The following CCDC159 variants were observed in gnomAD, a reference collection of about 807,000 sequenced individuals.
CCDC159 encodes coiled-coil domain containing 159.
CCDC159 carries 40 observed loss-of-function variants against 50.9 expected under a neutral mutation model. That is an observed-to-expected ratio of 0.79 (90% CI 0.61 to 1.02). The LOEUF (loss-of-function observed/expected upper bound fraction) is 1.02. Among genes scored for constraint, CCDC159 ranks in the 50% least tolerant of loss-of-function variants. The probability of loss-of-function intolerance (pLI) is 0.00; values close to 1 mark genes in which losing one functional copy is unlikely to be tolerated. For synonymous variants in CCDC159, 146 were observed against 138.9 expected (o/e 1.05, Z -0.36); for missense variants, 356 against 371.5 (o/e 0.96, Z 0.34).
At chr19:11,350,680 C>A (rs1158343319) in intron 4 of CCDC159, 128 bp from the exon 5 acceptor site, 20 of 874,568 alleles carry the variant, frequency 2.3e-5, no homozygotes, top group Non-Finnish European at 3.3e-5. Flanking sequence ...GGAAGCTGGT[C>A]CTGTTGGGAT....
intron 9 of CCDC159, 25 bp downstream of exon 9, chr19:11,353,899 G>C (rs1967731573): frequency 3.3e-6 from 5 of 1,530,182 alleles, no homozygotes; most frequent in Non-Finnish European, 4.4e-6. Context: ...GAATTGCTCA[G>C]GGGTGGGAGG....
intron 3 of CCDC159, 33 bp from the exon 4 acceptor site, chr19:11,350,085 C>G: frequency 1.2e-6 from 2 of 1,612,270 alleles, no homozygotes; most frequent in Non-Finnish European, 1.7e-6. Context: ...TCCCCTCCTT[C>G]CTCCCACCCC....
chr19:11,351,063 G>A (rs1967546161), intron 5 of CCDC159, 60 bp downstream of exon 5: 1 of 1,439,176 alleles, frequency 6.9e-7, no homozygotes, highest in Admixed American at 2.5e-5. Context: ...CCCAGAACTG[G>A]GGAATGGAGG....
In CCDC159 at chr19:11,350,216, G is replaced by A. The variant is rs114981996; in HGVS notation, c.226+17G>A. 920 of 1,603,302 alleles carry A rather than the reference G, an allele frequency of 5.7e-4. 7 individuals carry two copies. The African/African-American group carries it at 0.011, about 20-fold the overall frequency. On this transcript the variant is annotated intron_variant, in intron 4 of 10. Coordinates refer to ENST00000458408, the MANE Select transcript of CCDC159 (RefSeq NM_001080503.3). ...AGCTTGAAGGTGAGGACTGACCAGA[G>A]ATCAAGGTCAGGCTAGGCCAGGCGT... is the stretch of plus-strand genomic sequence containing the variant.
intron 1 of CCDC159, among the ~76,000 whole-genome samples, chr19:11,346,912 A>G (rs923077624): frequency 4.6e-5 from 7 of 152,126 alleles, no homozygotes; most frequent in Admixed American, 2.0e-4. Flanking sequence ...ATTACTCTAT[A>G]CCAGGCACTG....
intron 7 of CCDC159, among the ~76,000 whole-genome samples, chr19:11,352,693 G>A (rs942212674): frequency 2.1e-4 from 32 of 152,096 alleles, no homozygotes; most frequent in Admixed American, 9.2e-4. Context: ...CACTTTGGGA[G>A]GCTGAGGTGG....
At position 11,354,613 on chromosome 19, in the gene CCDC159, TC is replaced by T; in HGVS notation, c.810del (p.Ser271ProfsTer43). 6.3e-7 allele frequency: 1 copy of T among 1,599,756 alleles called. No individual in the cohort carries two copies. The highest frequency in any genetic ancestry group is 1.1e-5 in the South Asian group (1 of 88,814). ...GGGCACCAGTGCCTGAGCCCTCCACTCCCCTCCTGGGACTCTGACTCCGACT... is the reference window on the plus strand; with the variant it reads ...GGGCACCAGTGCCTGAGCCCTCCACTCCCTCCTGGGACTCTGACTCCGACT... ...HKGHQCLSPP[L>X]PSWDSDSDCD... On this transcript the variant is annotated frameshift_variant, in exon 10 of 11. Coordinates refer to ENST00000458408, the MANE Select transcript of CCDC159 (RefSeq NM_001080503.3). LOFTEE classifies it high-confidence loss of function.
At position 11,350,142 on chromosome 19, in the gene CCDC159, GTGA is replaced by G; in HGVS notation, c.170_172del (p.Val57_Thr58delinsAla). The G allele has an allele frequency of 6.2e-7, 1 of 1,613,618 alleles. No individual in the cohort carries two copies. The highest frequency in any genetic ancestry group is 8.5e-7 in the Non-Finnish European group (1 of 1,179,778). Reference sequence around the variant, plus strand: ...GGCTTTCGAGTTCCTGAACCACTCAGTGACCATGTTGGAGAAGGAGAGCTGCTT... The same window carrying G: ...GGCTTTCGAGTTCCTGAACCACTCAGCCATGTTGGAGAAGGAGAGCTGCTT... On this transcript the variant is annotated inframe_deletion, in exon 4 of 11. Coordinates refer to ENST00000458408, the MANE Select transcript of CCDC159 (RefSeq NM_001080503.3).
intron 9 of CCDC159, 32 bp from the exon 10 acceptor site, chr19:11,354,548 G>A: frequency 5.2e-6 from 8 of 1,545,050 alleles, no homozygotes; most frequent in Non-Finnish European, 7.0e-6. Context: ...GTTACTTGAG[G>A]GTCACATTCA....
At chr19:11,349,713 C>T (rs968696405) in intron 2 of CCDC159, 26 bp downstream of exon 2, 3 of 1,551,740 alleles carry the variant, frequency 1.9e-6, no homozygotes, top group Non-Finnish European at 2.7e-6. Flanking sequence ...TCCAACAAAA[C>T]TGTGTGGGGA....
In CCDC159 at chr19:11,346,534, C is replaced by T. The variant is rs1967240358; in HGVS notation, c.-73C>T. On this transcript the variant is annotated 5_prime_UTR_variant, in exon 1 of 11. Transcript: ENST00000458408. ...CCCTCTCTGTGACTCAGTCTCTGAG[C>T]GTTTTAATACGATGGTGTCCCCGCG... 1 of 1,515,334 alleles carries T rather than the reference C, an allele frequency of 6.6e-7. No individual in the cohort carries two copies. The highest frequency in any genetic ancestry group is 9.0e-7 in the Non-Finnish European group (1 of 1,114,280). 93.9% of individuals were successfully genotyped at this position (1,515,334 alleles called of 1,614,324 possible).
At chr19:11,349,522 C>T (rs1462873000) in intron 1 of CCDC159, 132 bp from the exon 2 acceptor site, 5 of 1,152,738 alleles carry the variant, frequency 4.3e-6, no homozygotes, top group East Asian at 5.1e-5. Flanking sequence ...TGCAGCTTTG[C>T]CTGCACTTAC....
At chr19:11,346,727 C>CCCGGGAGGGACACGGAAGCAGCAA in intron 1 of CCDC159, 100 bp downstream of exon 1, 1 of 1,374,360 alleles carries the variant, frequency 7.3e-7, no homozygotes, top group South Asian at 1.3e-5. Flanking sequence ...AAATAATTCT[C>CCCGGGAGGGACACGGAAGCAGCAA]CCGGGAGGGA....
At chr19:11,348,033 C>A in intron 1 of CCDC159, 1 of 435,250 alleles carries the variant, frequency 2.3e-6, no homozygotes, top group South Asian at 1.6e-5. Flanking sequence ...CTTACTGGAG[C>A]TGCTCTGCTA....
chr19:11,354,012 A>C, intron 9 of CCDC159, 138 bp downstream of exon 9: 1 of 684,800 alleles, frequency 1.5e-6, no homozygotes. Context: ...TTCTGGGGTC[A>C]CATTAAGGAG....
chr19:11,353,767 C>A, intron 8 of CCDC159, 25 bp from the exon 9 acceptor site: 1 of 1,577,374 alleles, frequency 6.3e-7, no homozygotes, highest in South Asian at 1.2e-5. Flanking sequence ...TCTCCCAGCG[C>A]CCCCAGCTCC....
Position 11,353,810 on chromosome 19 carries a change from G to A in CCDC159, c.708G>A (p.Leu236=). The A allele has an allele frequency of 6.3e-7, 1 of 1,598,456 alleles. No homozygotes were observed. Among genetic ancestry groups the A allele is most frequent in the Non-Finnish European group, 8.5e-7 (1 of 1,172,604 alleles). ...LSDIWSAVHV[L]QNSIDSLTLC... ...CTTGCAGGTCTGCTGTGCACGTGCT[G>A]CAGAACTCCATAGACAGCCTCACTT... Residue 236 remains leucine, a synonymous_variant, in exon 9 of 11, where the codon CTG becomes CTA. Coordinates refer to ENST00000458408, the MANE Select transcript of CCDC159 (RefSeq NM_001080503.3).
rs763438769 is a variant in CCDC159 at position 11,349,021 on chromosome 19, G to A, written c.22-633G>A. 32 of 1,341,088 alleles carry A rather than the reference G, an allele frequency of 2.4e-5. No homozygotes were observed. In the Middle Eastern group the frequency reaches 5.5e-3, roughly 229 times the overall value. The allele number at this position is 1,341,088 out of a possible 1,614,324, so 83.1% of individuals were successfully genotyped here. A position where few individuals can be genotyped will look rare whatever the true frequency, so the allele number is the denominator to read the frequency against. On this transcript the variant is annotated intron_variant, in intron 1 of 10. Coordinates refer to ENST00000458408, the MANE Select transcript of CCDC159 (RefSeq NM_001080503.3). ...CAGCTCACTGGTCCAGGACTCCAGA[G>A]CCAGAGACCTTGGGATGCCCTGCTT...
chr19:11,349,299 AC>A, intron 1 of CCDC159: 1 of 706,286 alleles, frequency 1.4e-6, no homozygotes, highest in Non-Finnish European at 2.1e-6. Context: ...CCATGAATGC[AC>A]CCACTGTGTT....
Sources: gnomAD v4.1 joint callset for allele counts (sites outside exome capture counted in the v4.1 genomes callset) on GRCh38, gnomAD v4.1.1 for gene constraint, MANE v1.5 for transcripts, NCBI Gene and HGNC (gene_info 2026-07-23, HGNC 2026-07-21) for gene names.